The following RBM27 variants were observed in gnomAD, a reference collection of about 807,000 sequenced individuals.
The protein encoded by RBM27 is RNA-binding protein 27.
Under a neutral mutation model 135.3 loss-of-function variants are expected in RBM27, and 22 were observed. The ratio of observed to expected loss-of-function variants is 0.16; its 90% CI spans 0.12 to 0.23. RBM27 has a LOEUF of 0.23. Among genes scored for constraint, RBM27 ranks in the 10% least tolerant of loss-of-function variants. The pLI, the probability that RBM27 is intolerant of heterozygous loss-of-function variation, is 1.00. For missense variants in RBM27, 1,009 were observed against 1,281.0 expected (o/e 0.79, Z 3.24); for synonymous variants, 481 against 442.4 (o/e 1.09, Z -1.10).
intron 2 of RBM27, among the ~76,000 whole-genome samples, chr5:146,220,270 G>A (rs1181230699): frequency 6.6e-6 from 1 of 152,126 alleles, no homozygotes; most frequent in African/African-American, 2.4e-5. Context: ...GAGGTCAAGA[G>A]ATCGAGACCA....
At chr5:146,265,604 G>A (rs887214015) in intron 14 of RBM27, among the ~76,000 whole-genome samples, 2 of 152,154 alleles carry the variant, frequency 1.3e-5, no homozygotes, top group African/African-American at 4.8e-5. Context: ...GAAAAGAAAA[G>A]TGAAACACAT....
chr5:146,289,140 AAAG>A lies in RBM27; in HGVS notation c.*3113_*3115del, dbSNP rs1759701100. ...GGAATGGTTCACAATTGGAAAAAAA[AAAG>A]AAAAAAGATGAAAGTATTACAAATT... is the stretch of plus-strand genomic sequence containing the variant. On this transcript the variant is annotated 3_prime_UTR_variant, in exon 21 of 21. Transcript: ENST00000265271. 1.3e-5 allele frequency: 2 copies of A among 152,098 alleles called. No homozygotes were observed. Among genetic ancestry groups the A allele is most frequent in the African/African-American group, 4.8e-5 (2 of 41,452 alleles). 9.4% of individuals were successfully genotyped at this position (152,098 alleles called of 1,614,324 possible). A position where few individuals can be genotyped will look rare whatever the true frequency, so the allele number is the denominator to read the frequency against.
At position 146,267,684 on chromosome 5, in the gene RBM27, C is replaced by A; in HGVS notation, c.2367C>A (p.Tyr789Ter). 1 of 1,585,708 alleles carries A rather than the reference C, an allele frequency of 6.3e-7. No individual in the cohort carries two copies. Among genetic ancestry groups the A allele is most frequent in the Non-Finnish European group, 8.6e-7 (1 of 1,159,974 alleles). Residue 789 changes from tyrosine to a stop codon, truncating the protein, a stop_gained, in exon 15 of 21, where the codon TAC becomes TAA. Coordinates refer to ENST00000265271, the MANE Select transcript of RBM27 (RefSeq NM_018989.2). LOFTEE classifies it high-confidence loss of function. Reference sequence around the variant, plus strand: ...CTCCAGGCCATCCAAAAATGATTTACAGCTCCTCAAACTTAAAGACACCTT... The same window carrying A: ...CTCCAGGCCATCCAAAAATGATTTAAAGCTCCTCAAACTTAAAGACACCTT... ...FSTPGHPKMIYSSSNLKTPSK... is the reference protein window; with the variant it reads ...FSTPGHPKMI
At chr5:146,279,335 G>C (rs1759228738) in intron 19 of RBM27, among the ~76,000 whole-genome samples, 1 of 151,728 alleles carries the variant, frequency 6.6e-6, no homozygotes, top group African/African-American at 2.4e-5. Context: ...TGGAGTCCCA[G>C]CTACTCAGGA....
intron 19 of RBM27, among the ~76,000 whole-genome samples, chr5:146,277,252 T>G (rs901093926): frequency 1.3e-5 from 2 of 152,224 alleles, no homozygotes; most frequent in Non-Finnish European, 2.9e-5. Flanking sequence ...ATGAACATCT[T>G]TCTAGCACCT....
chr5:146,239,085 A>G (rs1408807846), intron 8 of RBM27, among the ~76,000 whole-genome samples: 1 of 152,160 alleles, frequency 6.6e-6, no homozygotes, highest in East Asian at 1.9e-4. Flanking sequence ...TGTACCTTCT[A>G]CCATCCCTGT....
chr5:146,208,501 C>A lies in RBM27; in HGVS notation c.59+4677C>A, dbSNP rs72824128. On this transcript the variant is annotated intron_variant, in intron 1 of 20. Coordinates refer to ENST00000265271, the MANE Select transcript of RBM27 (RefSeq NM_018989.2). ...CAGTAAAAGGGAGGGAAACCAATATCTCAGTCGAGAAGTTTGTCTCTTTCC... is the reference window on the plus strand; with the variant it reads ...CAGTAAAAGGGAGGGAAACCAATATATCAGTCGAGAAGTTTGTCTCTTTCC... 4.9e-3 allele frequency among the ~76,000 whole-genome samples: 740 copies of A among 151,978 alleles called. 5 individuals carry two copies. Among genetic ancestry groups the A allele is most frequent in the Non-Finnish European group, 8.9e-3 (607 of 67,940 alleles).
chr5:146,279,721 T>C (rs1266875779), intron 19 of RBM27, among the ~76,000 whole-genome samples: 2 of 149,678 alleles, frequency 1.3e-5, no homozygotes, highest in African/African-American at 2.5e-5. Context: ...GGCACATGAA[T>C]TGCTTGAGCC....
Position 146,229,007 on chromosome 5 carries a change from A to G in RBM27, c.365A>G (p.Gln122Arg). ...DGRKKKYPSP[Q>R]KTRSESSERR... ...AGAAAAAAGAAATATCCTAGTCCCC[A>G]GAAGACTCGTTCAGAATCTAGTGAA... The change falls in exon 4 of 21, where the codon CAG (glutamine) becomes CGG (arginine). Residue 122 changes from glutamine (Q) to arginine (R), a missense_variant. Physicochemically the swap from Gln to Arg is conservative, Grantham distance 43 (BLOSUM62 1). This residue lies in a region of RBM27 where 268 missense variants were observed against 326.6 expected (regional missense o/e 0.82). Coordinates refer to ENST00000265271, the MANE Select transcript of RBM27 (RefSeq NM_018989.2). The G allele has an allele frequency of 6.2e-7, 1 of 1,613,812 alleles. No individual in the cohort carries two copies. Among genetic ancestry groups the G allele is most frequent in the Non-Finnish European group, 8.5e-7 (1 of 1,179,790 alleles).
chr5:146,265,901 G>T (rs1177642169), intron 14 of RBM27, among the ~76,000 whole-genome samples: 1 of 152,024 alleles, frequency 6.6e-6, no homozygotes, highest in East Asian at 1.9e-4. Flanking sequence ...GAAACTATCC[G>T]TATTAACTCA....
chr5:146,270,463 T>C (rs1301252859), intron 17 of RBM27, among the ~76,000 whole-genome samples: 1 of 152,182 alleles, frequency 6.6e-6, no homozygotes, highest in South Asian at 2.1e-4. Flanking sequence ...AGAATATATA[T>C]GCACATTTTA....
At chr5:146,216,245 C>T (rs111687124) in intron 1 of RBM27, among the ~76,000 whole-genome samples, 4,994 of 152,158 alleles carry the variant, frequency 0.033, 245 homozygotes, top group African/African-American at 0.11. Context: ...AGCAGGTTTT[C>T]ACCATGGTCT....
At position 146,287,667 on chromosome 5, in the gene RBM27, A is replaced by G. The variant is rs1759637928; in HGVS notation, c.*1637A>G. Reference sequence around the variant, plus strand: ...ATAAGAAGTTAAATCCCACGTTCTGATAATCTTTATTCTTCTACATGTTTT... The same window carrying G: ...ATAAGAAGTTAAATCCCACGTTCTGGTAATCTTTATTCTTCTACATGTTTT... On this transcript the variant is annotated 3_prime_UTR_variant, in exon 21 of 21. Transcript: ENST00000265271. 2 of 152,168 alleles carry G rather than the reference A, an allele frequency of 1.3e-5. No homozygotes were observed. Among genetic ancestry groups the G allele is most frequent in the African/African-American group, 4.8e-5 (2 of 41,460 alleles). 9.4% of individuals were successfully genotyped at this position (152,168 alleles called of 1,614,324 possible). A position where few individuals can be genotyped will look rare whatever the true frequency, so the allele number is the denominator to read the frequency against.
At chr5:146,220,133 A>C (rs1266624714) in intron 2 of RBM27, among the ~76,000 whole-genome samples, 1 of 151,942 alleles carries the variant, frequency 6.6e-6, no homozygotes, top group Non-Finnish European at 1.5e-5. Context: ...TTTGGTTGAG[A>C]GTGGAGACTT....
chr5:146,211,836 C>A (rs569144115), intron 1 of RBM27, among the ~76,000 whole-genome samples: 1 of 151,964 alleles, frequency 6.6e-6, no homozygotes, highest in Non-Finnish European at 1.5e-5. Flanking sequence ...CACTTTCATT[C>A]TTTTAAAATA....
intron 6 of RBM27, among the ~76,000 whole-genome samples, 164 bp from the exon 7 acceptor site, chr5:146,233,286 C>G (rs1429304367): frequency 1.3e-5 from 2 of 152,046 alleles, no homozygotes; most frequent in Non-Finnish European, 2.9e-5. Flanking sequence ...CTGCCTCTAC[C>G]TTGGGGATAT....
intron 13 of RBM27, 29 bp downstream of exon 13, chr5:146,261,835 CT>C (rs756484283): frequency 1.2e-6 from 2 of 1,610,960 alleles, no homozygotes; most frequent in Non-Finnish European, 1.7e-6. Context: ...AATTAAAGGT[CT>C]TTTAGTTACA....
chr5:146,279,733 A>G (rs568303742), intron 19 of RBM27, among the ~76,000 whole-genome samples: 48 of 149,844 alleles, frequency 3.2e-4, no homozygotes, highest in Middle Eastern at 3.6e-3. Flanking sequence ...GCTTGAGCCC[A>G]GGAGGTGGAG....
chr5:146,231,053 G>C, intron 6 of RBM27, 136 bp downstream of exon 6: 1 of 1,095,276 alleles, frequency 9.1e-7, no homozygotes, highest in Non-Finnish European at 1.3e-6. Flanking sequence ...ACAGAGTCTT[G>C]CTCTGTCACC....
Sources: gnomAD v4.1 joint callset for allele counts (sites outside exome capture counted in the v4.1 genomes callset) on GRCh38, gnomAD v4.1.1 for gene constraint, gnomAD v4.1.1 regional missense constraint, MANE v1.5 for transcripts, NCBI Gene and HGNC (gene_info 2026-07-23, HGNC 2026-07-21) for gene names.